The following ERG variants were observed in gnomAD, a reference collection of about 807,000 sequenced individuals.
The protein encoded by ERG is ETS transcription factor ERG, also known as transcriptional regulator ERG.
ERG carries 9 observed loss-of-function variants against 55.3 expected under a neutral mutation model. The observed-to-expected ratio is 0.16, with a 90% CI of 0.10 to 0.28. ERG has a LOEUF of 0.28. Among genes scored for constraint, ERG ranks in the 10% least tolerant of loss-of-function variants. ERG has a pLI of 1.00. For synonymous variants in ERG, 223 were observed against 237.3 expected, an observed-to-expected ratio of 0.94 and a Z score of 0.55; for missense variants, 434 against 631.6, an observed-to-expected ratio of 0.69 and a Z score of 3.35.
At chr21:38,659,644 T>G (rs965943607) in intron 1 of ERG, among the ~76,000 whole-genome samples, 2 of 152,252 alleles carry the variant, frequency 1.3e-5, no homozygotes, top group Admixed American at 6.5e-5. Flanking sequence ...TATAGAGACA[T>G]GTACAGAGTG....
intron 1 of ERG, among the ~76,000 whole-genome samples, chr21:38,591,522 T>A (rs1471561222): frequency 6.6e-6 from 1 of 152,076 alleles, no homozygotes. Context: ...TGAAACCTTA[T>A]CTCTACTAAA....
intron 2 of ERG, among the ~76,000 whole-genome samples, chr21:38,530,060 A>G (rs2059661159): frequency 6.6e-6 from 1 of 152,056 alleles, no homozygotes; most frequent in South Asian, 2.1e-4. Context: ...TTGGTTTTTT[A>G]GTTTTGTTTT....
rs570663175 is a variant in ERG, at chr21:38,647,027, C to T, written c.-150+14631G>A. 9.8e-5 allele frequency among the ~76,000 whole-genome samples: 15 copies of T among 152,312 alleles called. No individual in the cohort carries two copies. In the South Asian group the frequency reaches 2.5e-3, roughly 25 times the overall value. Reference sequence around the variant, plus strand: ...GCTCTCTCTAGGCTACTGGTTTTTGCAACCTTCTGCTTTTGTCCACTCATA... The same window carrying T: ...GCTCTCTCTAGGCTACTGGTTTTTGTAACCTTCTGCTTTTGTCCACTCATA... On this transcript the variant is annotated intron_variant, in intron 1 of 10. Transcript: ENST00000398910.
At chr21:38,408,254 A>G (rs2154564) in intron 3 of ERG, among the ~76,000 whole-genome samples, 139,284 of 152,220 alleles carry the variant, frequency 0.92, 63,801 homozygotes, top group Non-Finnish European at 0.94. Flanking sequence ...CAGGGGAAAA[A>G]CCCAGATTCC....
chr21:38,567,082 G>A (rs1264097925), intron 2 of ERG, among the ~76,000 whole-genome samples: 1 of 150,360 alleles, frequency 6.7e-6, no homozygotes, highest in East Asian at 1.9e-4. Context: ...CTGGGGGGGG[G>A]ATTGTGCAGC....
chr21:38,451,111 T>C, intron 1 of ERG: 1 of 464,292 alleles, frequency 2.2e-6, no homozygotes, highest in South Asian at 1.6e-5. Flanking sequence ...AGAGATGGAA[T>C]CACCTAGAGA....
intron 2 of ERG, among the ~76,000 whole-genome samples, chr21:38,559,483 C>CAGCACG (rs2059879422): frequency 1.4e-5 from 2 of 146,222 alleles, no homozygotes; most frequent in South Asian, 4.3e-4. Context: ...ATATAATGGC[C>CAGCACG]AGCACGATTT....
intron 2 of ERG, among the ~76,000 whole-genome samples, chr21:38,550,504 C>T (rs1327818410): frequency 6.6e-6 from 1 of 152,130 alleles, no homozygotes; most frequent in Non-Finnish European, 1.5e-5. Flanking sequence ...ACAAAAGGGA[C>T]CCCAGGGAGA....
intron 1 of ERG, among the ~76,000 whole-genome samples, chr21:38,627,339 A>G (rs1202789002): frequency 1.3e-5 from 2 of 152,222 alleles, no homozygotes. Flanking sequence ...ACCCAAAAAA[A>G]GGAAGCTTGA....
intron 2 of ERG, among the ~76,000 whole-genome samples, chr21:38,558,047 G>A (rs574244933): frequency 6.7e-6 from 1 of 148,922 alleles, no homozygotes; most frequent in South Asian, 2.2e-4. Flanking sequence ...TCTAAATCAG[G>A]ATGCTAAGTT....
intron 2 of ERG, among the ~76,000 whole-genome samples, chr21:38,542,146 A>G (rs903935000): frequency 2.0e-5 from 3 of 151,954 alleles, no homozygotes; most frequent in Non-Finnish European, 4.4e-5. Flanking sequence ...CACCATGCCC[A>G]GCTAATTTTT....
At chr21:38,521,033 A>G (rs983070232) in intron 2 of ERG, among the ~76,000 whole-genome samples, 4 of 152,156 alleles carry the variant, frequency 2.6e-5, no homozygotes, top group African/African-American at 9.7e-5. Flanking sequence ...GAAGTGAGAT[A>G]ACAAATAAAA....
chr21:38,425,659 C>T (rs2146509586), intron 2 of ERG, among the ~76,000 whole-genome samples: 1 of 152,284 alleles, frequency 6.6e-6, no homozygotes, highest in South Asian at 2.1e-4. Context: ...TTCGCTTTCT[C>T]TAGATTTTAG....
chr21:38,376,705 C>A (rs775039032), downstream of ERG, among the ~76,000 whole-genome samples: 21 of 152,392 alleles, frequency 1.4e-4, no homozygotes, highest in Non-Finnish European at 2.8e-4. Flanking sequence ...GACAGAAAAT[C>A]CTGAGGCCGC....
At chr21:38,614,964 T>C (rs2060250117) in intron 1 of ERG, among the ~76,000 whole-genome samples, 1 of 152,214 alleles carries the variant, frequency 6.6e-6, no homozygotes, top group Admixed American at 6.5e-5. Flanking sequence ...AGAGGTGAAG[T>C]ATCAGAAGTC....
intron 1 of ERG, among the ~76,000 whole-genome samples, chr21:38,454,965 G>A (rs2058973865): frequency 6.6e-6 from 1 of 152,206 alleles, no homozygotes; most frequent in South Asian, 2.1e-4. Flanking sequence ...TTTGTTTAAT[G>A]TCAATTAAAT....
At chr21:38,461,952 G>A (rs1034259530) in intron 1 of ERG, among the ~76,000 whole-genome samples, 10 of 151,518 alleles carry the variant, frequency 6.6e-5, no homozygotes, top group Admixed American at 2.6e-4. Flanking sequence ...TTACAGGCGT[G>A]TCCCACCATG....
chr21:38,655,795 C>A (rs748185242), intron 1 of ERG, among the ~76,000 whole-genome samples: 2 of 152,134 alleles, frequency 1.3e-5, no homozygotes, highest in Non-Finnish European at 2.9e-5. Context: ...ATCCAGTTCC[C>A]AGATTAGTTA....
At chr21:38,412,113 T>C (rs1989085949) in intron 3 of ERG, among the ~76,000 whole-genome samples, 2 of 152,216 alleles carry the variant, frequency 1.3e-5, no homozygotes, top group South Asian at 4.1e-4. Context: ...CATAACTGAT[T>C]GTGGAGTATT....
Sources: gnomAD v4.1 joint callset for allele counts (sites outside exome capture counted in the v4.1 genomes callset) on GRCh38, gnomAD v4.1.1 for gene constraint, MANE v1.5 for transcripts, NCBI Gene and HGNC (gene_info 2026-07-23, HGNC 2026-07-21) for gene names.